NRXN1: variants seen among roughly 807,000 people sequenced by gnomAD.
NRXN1 encodes neurexin 1.
In NRXN1, 39 loss-of-function variants were observed where a neutral mutation model predicts 150.9. The observed-to-expected ratio is 0.26, with a 90% confidence interval of 0.20 to 0.34. The LOEUF (loss-of-function observed/expected upper bound fraction) is 0.34, where lower values mean the gene tolerates loss of function less well. NRXN1 is among the 10% of genes least tolerant of loss of function. The pLI, the probability that NRXN1 is intolerant of heterozygous loss-of-function variation, is 1.00. For missense variants in NRXN1, 1,815 were observed against 1,949.9 expected (o/e 0.93, Z 1.30); for synonymous variants, 924 against 757.0 (o/e 1.22, Z -3.62).
chr2:49,989,374 T>C (rs1395646815), intron 21 of NRXN1, among the ~76,000 whole-genome samples: 1 of 152,228 alleles, frequency 6.6e-6, no homozygotes, highest in African/African-American at 2.4e-5. Flanking sequence ...ACTCTGCAGA[T>C]GCAGTAGTAG....
At chr2:50,340,272 C>G (rs900671266) in intron 17 of NRXN1, among the ~76,000 whole-genome samples, 1 of 152,116 alleles carries the variant, frequency 6.6e-6, no homozygotes, top group East Asian at 1.9e-4. Flanking sequence ...GTGATCAACA[C>G]TGAACAATCT....
chr2:50,736,049 T>C (rs1025845263), intron 5 of NRXN1, among the ~76,000 whole-genome samples: 1 of 152,184 alleles, frequency 6.6e-6, no homozygotes, highest in African/African-American at 2.4e-5. Flanking sequence ...ACAAACTCTT[T>C]AATATGACCA....
chr2:50,085,162 G>A (rs1158941718), intron 19 of NRXN1, among the ~76,000 whole-genome samples: 2 of 151,966 alleles, frequency 1.3e-5, no homozygotes, highest in Admixed American at 1.3e-4. Context: ...TTTATATATT[G>A]AAATAAATAT....
At chr2:50,022,672 T>C (rs1265014750) in intron 21 of NRXN1, 1 of 152,216 alleles carries the variant, frequency 6.6e-6, no homozygotes, top group Non-Finnish European at 1.5e-5. Context: ...ATTTATTTCT[T>C]CATACTTTGG....
intron 21 of NRXN1, among the ~76,000 whole-genome samples, chr2:50,039,592 C>G (rs1573555663): frequency 1.3e-5 from 2 of 152,288 alleles, no homozygotes; most frequent in South Asian, 2.1e-4. Context: ...AAGCCTGTAG[C>G]TCTCCATACT....
chr2:50,064,652 T>G (rs1448167826), intron 19 of NRXN1, among the ~76,000 whole-genome samples: 1 of 152,186 alleles, frequency 6.6e-6, no homozygotes, highest in Non-Finnish European at 1.5e-5. Context: ...ATACTCTGGT[T>G]TCTCTTCACA....
At chr2:50,971,348 G>C (rs750040290) in intron 2 of NRXN1, among the ~76,000 whole-genome samples, 1 of 152,090 alleles carries the variant, frequency 6.6e-6, no homozygotes, top group Non-Finnish European at 1.5e-5. Flanking sequence ...ACTTTGGGAG[G>C]CCACAGTGGG....
chr2:50,732,049 T>C (rs184482401), intron 5 of NRXN1, among the ~76,000 whole-genome samples: 32 of 152,312 alleles, frequency 2.1e-4, no homozygotes, highest in African/African-American at 6.3e-4. Flanking sequence ...CAGTTTCACA[T>C]ATATATGTAC....
intron 18 of NRXN1, among the ~76,000 whole-genome samples, chr2:50,213,399 T>C (rs2063169885): frequency 1.3e-5 from 2 of 151,664 alleles, no homozygotes; most frequent in Non-Finnish European, 2.9e-5. Context: ...AAAGAAAAAA[T>C]TGGGATGAAT....
chr2:50,832,372 C>T (rs757022087), intron 5 of NRXN1, among the ~76,000 whole-genome samples: 61 of 152,184 alleles, frequency 4.0e-4, no homozygotes, highest in Non-Finnish European at 6.3e-4. Flanking sequence ...ACATAATGGG[C>T]CAGGTGCGGT....
intron 5 of NRXN1, among the ~76,000 whole-genome samples, chr2:50,855,474 G>A (rs139905903): frequency 5.9e-5 from 9 of 152,056 alleles, no homozygotes; most frequent in African/African-American, 1.9e-4. Flanking sequence ...TATGGTCTTT[G>A]TAATACTCCA....
At chr2:50,465,364 T>G in intron 17 of NRXN1, 78 bp downstream of exon 17, 1 of 1,389,334 alleles carries the variant, frequency 7.2e-7, no homozygotes, top group Non-Finnish European at 9.7e-7. Context: ...TATAAGGACT[T>G]TCAGTGTTAG....
intron 17 of NRXN1, among the ~76,000 whole-genome samples, chr2:50,401,479 C>T (rs1189563687): frequency 6.6e-6 from 1 of 151,948 alleles, no homozygotes; most frequent in Admixed American, 6.6e-5. Flanking sequence ...AGGGAGAGGG[C>T]TTAAGTGGCC....
rs563907888 is a variant in NRXN1, at chr2:50,945,248, G to T, written c.773-19293C>A. ...CCAGCAATTTGGGAGGCCAAGGCAG[G>T]AGGATCACTTGAGCCCCAAGTTCTA... is the stretch of plus-strand genomic sequence containing the variant. On this transcript the variant is annotated intron_variant, in intron 2 of 22. Coordinates refer to ENST00000401669, the MANE Select transcript of NRXN1 (RefSeq NM_001330078.2). Among the ~76,000 whole-genome samples the T allele has an allele frequency of 1.1e-4, 16 of 152,296 alleles. 1 individual carries two copies. Among genetic ancestry groups the T allele is most frequent in the African/African-American group, 3.4e-4 (14 of 41,572 alleles).
At chr2:50,836,608 G>C (rs1365041245) in intron 5 of NRXN1, among the ~76,000 whole-genome samples, 1 of 151,824 alleles carries the variant, frequency 6.6e-6, no homozygotes, top group Non-Finnish European at 1.5e-5. Context: ...ACTTAGCATA[G>C]TGTCCCCCGA....
At chr2:50,474,214 GT>G (rs1211700712) in intron 15 of NRXN1, among the ~76,000 whole-genome samples, 1 of 151,788 alleles carries the variant, frequency 6.6e-6, no homozygotes, top group Non-Finnish European at 1.5e-5. Flanking sequence ...AGGCCATTGT[GT>G]TTTAGTTGCC....
intron 5 of NRXN1, among the ~76,000 whole-genome samples, chr2:50,757,739 A>C (rs1701323587): frequency 1.3e-5 from 2 of 151,730 alleles, no homozygotes; most frequent in East Asian, 2.0e-4. Flanking sequence ...ACCAGGAAAA[A>C]GTTGAGGGTT....
At chr2:51,018,019 G>A (rs754153380) in intron 2 of NRXN1, among the ~76,000 whole-genome samples, 2 of 151,984 alleles carry the variant, frequency 1.3e-5, no homozygotes, top group South Asian at 2.1e-4. Flanking sequence ...TCCGCTGGAC[G>A]GGGCTGTGGA....
chr2:50,637,075 G>A (rs1461107283), intron 5 of NRXN1, among the ~76,000 whole-genome samples: 1 of 152,030 alleles, frequency 6.6e-6, no homozygotes, highest in Admixed American at 6.6e-5. Context: ...TCACTTTATG[G>A]TTGGTGCTAT....
Sources: allele counts gnomAD v4.1 joint callset (sites outside exome capture counted in the v4.1 genomes callset), GRCh38; gene constraint gnomAD v4.1.1; transcripts MANE v1.5; gene names NCBI Gene and HGNC (gene_info 2026-07-23, HGNC 2026-07-21).